LRRC7: variants seen among roughly 807,000 people sequenced by gnomAD.
LRRC7 encodes leucine rich repeat containing 7.
In LRRC7, 23 loss-of-function variants were observed where a neutral mutation model predicts 175.7. The observed-to-expected ratio is 0.13, with a 90% CI of 0.09 to 0.19. The LOEUF is 0.19. LRRC7 is among the 10% of genes least tolerant of loss of function. LRRC7 has a pLI of 1.00. For synonymous variants in LRRC7, 685 were observed against 680.9 expected (o/e 1.01, Z -0.09); for missense variants, 1,354 against 1,904.7 (o/e 0.71, Z 5.38).
chr1:70,043,496 G>T (rs1660086843), intron 21 of LRRC7, among the ~76,000 whole-genome samples: 1 of 152,144 alleles, frequency 6.6e-6, no homozygotes, highest in Admixed American at 6.6e-5. Context: ...ACATTGCAAT[G>T]CATTAGCTTA....
chr1:69,675,793 C>A (rs955751351), intron 1 of LRRC7, among the ~76,000 whole-genome samples: 1 of 151,972 alleles, frequency 6.6e-6, no homozygotes, highest in South Asian at 2.1e-4. Flanking sequence ...CACCCCGCCC[C>A]CCACACGCAC....
chr1:69,614,487 C>G lies in LRRC7; in HGVS notation c.2+45846C>G, dbSNP rs553354628. Among the ~76,000 whole-genome samples, 6 of 152,112 alleles carry G rather than the reference C, an allele frequency of 3.9e-5. No individual in the cohort carries two copies. The East Asian group carries it at 1.2e-3, about 29-fold the overall frequency. On this transcript the variant is annotated intron_variant, in intron 1 of 26. Transcript: ENST00000651989. ...ATGCAAATCAGCTGGGGAATGTGTTCATTTTTACCTATTAGTACTGTAGGC... is the reference window on the plus strand; with the variant it reads ...ATGCAAATCAGCTGGGGAATGTGTTGATTTTTACCTATTAGTACTGTAGGC...
At chr1:69,751,528 A>T (rs572328704) in intron 2 of LRRC7, among the ~76,000 whole-genome samples, 1 of 152,294 alleles carries the variant, frequency 6.6e-6, no homozygotes, top group Non-Finnish European at 1.5e-5. Flanking sequence ...AGAGAATTAA[A>T]GTATAATCAA....
At chr1:69,893,325 C>A (rs147947992) in intron 7 of LRRC7, among the ~76,000 whole-genome samples, 1 of 152,268 alleles carries the variant, frequency 6.6e-6, no homozygotes, top group Non-Finnish European at 1.5e-5. Flanking sequence ...TCTCAGACAG[C>A]TAACATGTAT....
chr1:69,937,962 T>A (rs1027392219), intron 8 of LRRC7, among the ~76,000 whole-genome samples: 3 of 152,030 alleles, frequency 2.0e-5, no homozygotes, highest in South Asian at 4.1e-4. Context: ...ACCTTTTTTT[T>A]AACTACTTAA....
intron 11 of LRRC7, among the ~76,000 whole-genome samples, chr1:69,996,783 G>A (rs1655019945): frequency 1.3e-5 from 2 of 151,784 alleles, no homozygotes; most frequent in Admixed American, 1.3e-4. Flanking sequence ...CCAGTACCAT[G>A]CTGTTTTGGT....
chr1:69,621,195 C>T (rs576788524), intron 1 of LRRC7, among the ~76,000 whole-genome samples: 11 of 152,042 alleles, frequency 7.2e-5, no homozygotes, highest in Non-Finnish European at 1.6e-4. Flanking sequence ...CAGGCATGTG[C>T]CACCATGCCC....
At chr1:69,830,696 T>C (rs529102369) in intron 5 of LRRC7, among the ~76,000 whole-genome samples, 12 of 151,844 alleles carry the variant, frequency 7.9e-5, no homozygotes, top group Non-Finnish European at 1.3e-4. Flanking sequence ...AGAGTAACCA[T>C]TCAATAAAAA....
intron 8 of LRRC7, among the ~76,000 whole-genome samples, chr1:69,937,965 C>T (rs1648225162): frequency 6.6e-6 from 1 of 151,310 alleles, no homozygotes; most frequent in Non-Finnish European, 1.5e-5. Flanking sequence ...TTTTTTTTAA[C>T]TACTTAATGT....
chr1:69,787,469 G>T (rs1383809129), intron 3 of LRRC7, among the ~76,000 whole-genome samples: 1 of 152,254 alleles, frequency 6.6e-6, no homozygotes, highest in African/African-American at 2.4e-5. Flanking sequence ...TGCCCCTGCA[G>T]CAAACATCTG....
At chr1:70,000,224 C>T (rs1452855897) in intron 11 of LRRC7, among the ~76,000 whole-genome samples, 1 of 152,074 alleles carries the variant, frequency 6.6e-6, no homozygotes, top group Non-Finnish European at 1.5e-5. Flanking sequence ...TACGGTCATG[C>T]CAATAGTTGA....
At chr1:69,691,813 AAAAAAAAAG>A (rs1284866219) in intron 2 of LRRC7, among the ~76,000 whole-genome samples, 40 of 150,656 alleles carry the variant, frequency 2.7e-4, no homozygotes, top group Non-Finnish European at 5.0e-4. Flanking sequence ...AAAAAAAAAA[AAAAAAAAAG>A]AAAAGAAAAG....
intron 8 of LRRC7, among the ~76,000 whole-genome samples, chr1:69,952,302 T>G (rs1435939920): frequency 1.3e-5 from 2 of 152,078 alleles, no homozygotes; most frequent in Admixed American, 6.6e-5. Flanking sequence ...TATGATATGT[T>G]TTTAGTAAAT....
intron 8 of LRRC7, among the ~76,000 whole-genome samples, chr1:69,953,415 C>A (rs142393500): frequency 4.7e-4 from 71 of 152,108 alleles, no homozygotes; most frequent in African/African-American, 1.7e-3. Flanking sequence ...ACAAAGAGAT[C>A]TGTACTGCAC....
chr1:69,868,904 T>C (rs948911208), intron 7 of LRRC7, among the ~76,000 whole-genome samples: 3 of 128,830 alleles, frequency 2.3e-5, no homozygotes, highest in African/African-American at 8.3e-5. Context: ...TATATGTATG[T>C]ATATATGTAC....
chr1:70,104,341 G>A (rs1472351), intron 25 of LRRC7, among the ~76,000 whole-genome samples: 1 of 151,974 alleles, frequency 6.6e-6, no homozygotes, highest in Non-Finnish European at 1.5e-5. Flanking sequence ...CCACAAAATG[G>A]GTTTAGATTT....
chr1:69,851,143 G>GA (rs1682934715), intron 7 of LRRC7, among the ~76,000 whole-genome samples: 1 of 152,074 alleles, frequency 6.6e-6, no homozygotes, highest in African/African-American at 2.4e-5. Context: ...AATTAAGAAG[G>GA]AAAAAGAAAA....
intron 2 of LRRC7, among the ~76,000 whole-genome samples, chr1:69,722,369 A>G (rs1330542469): frequency 6.6e-6 from 1 of 152,054 alleles, no homozygotes; most frequent in Non-Finnish European, 1.5e-5. Flanking sequence ...AGCATATGCA[A>G]GACTGTTTTG....
chr1:69,901,605 G>A (rs1646136544), intron 7 of LRRC7, among the ~76,000 whole-genome samples: 4 of 152,076 alleles, frequency 2.6e-5, no homozygotes, highest in African/African-American at 9.7e-5. Context: ...ATAATTGTCT[G>A]AACCAGCCTT....
Sources: gnomAD v4.1 joint callset for allele counts (sites outside exome capture counted in the v4.1 genomes callset) on GRCh38, gnomAD v4.1.1 for gene constraint, MANE v1.5 for transcripts, NCBI Gene and HGNC (gene_info 2026-07-23, HGNC 2026-07-21) for gene names.